The following PLXNB2 variants were observed in gnomAD, a reference collection of about 807,000 sequenced individuals.
PLXNB2 encodes plexin B2.
PLXNB2 carries 85 observed loss-of-function variants against 202.6 expected under a neutral mutation model. The observed-to-expected ratio is 0.42, with a 90% CI of 0.35 to 0.50. The LOEUF is 0.50. Among genes scored for constraint, PLXNB2 ranks in the 20% least tolerant of loss-of-function variants. PLXNB2 has a pLI of 0.02. For missense variants in PLXNB2, 2,063 were observed against 2,586.2 expected, an observed-to-expected ratio of 0.80 and a Z score of 4.39; for synonymous variants, 1,239 against 1,137.6, an observed-to-expected ratio of 1.09 and a Z score of -1.79.
chr22:50,283,281 G>C, intron 16 of PLXNB2, 56 bp downstream of exon 16: 1 of 1,605,660 alleles, frequency 6.2e-7, no homozygotes, highest in Non-Finnish European at 8.5e-7. Flanking sequence ...GCGGCGGGCA[G>C]AGCCCCTCCT....
chr22:50,277,964 G>C lies in PLXNB2; in HGVS notation c.4937C>G (p.Pro1646Arg), dbSNP rs762034126. ...VDNFFQSVLA[P>R]GHAVPPAVKY... The stretch of plus-strand genomic sequence containing the variant: ...GACTGCAGGTGGCACCGCGTGCCCA[G>C]GCGCCAGCACGCTCTGGAAGAAGTT... Residue 1646 changes from proline to arginine, a missense_variant, in exon 32 of 37, where the codon CCT becomes CGT. Around this residue, in one of 2 missense-constraint regions of PLXNB2, gnomAD observed 760 missense variants for 1,109.4 expected, o/e 0.69. Coordinates refer to ENST00000359337, the MANE Select transcript of PLXNB2 (RefSeq NM_012401.4). 1.5e-5 allele frequency: 25 copies of C among 1,613,046 alleles called. No homozygotes were observed. Among genetic ancestry groups the C allele is most frequent in the Non-Finnish European group, 2.0e-5 (24 of 1,179,848 alleles).
chr22:50,287,771 G>A lies in PLXNB2; in HGVS notation c.1504C>T (p.Pro502Ser), dbSNP rs755826651. The change falls in exon 7 of 37, where the codon CCG (proline) becomes TCG (serine). Residue 502 changes from proline to serine, a missense_variant. Transcript: ENST00000359337. ...EGRCTRKAEC[P>S]RAEEASHWLW... ...CAGTGGCTGGCCTCCTCGGCCCGCGGACACTCGGCCTTCCGGGTGCATCTG... is the reference window on the plus strand; with the variant it reads ...CAGTGGCTGGCCTCCTCGGCCCGCGAACACTCGGCCTTCCGGGTGCATCTG... The A allele has an allele frequency of 6.8e-5, 108 of 1,583,862 alleles. No individual in the cohort carries two copies. Among genetic ancestry groups the A allele is most frequent in the Non-Finnish European group, 8.6e-5 (101 of 1,172,692 alleles).
intron 36 of PLXNB2, 38 bp downstream of exon 36, chr22:50,275,851 C>T: frequency 3.7e-6 from 6 of 1,607,692 alleles, no homozygotes; most frequent in Non-Finnish European, 4.3e-6. Flanking sequence ...GACCGCCCAG[C>T]ACCCCACCTG....
In PLXNB2 at chr22:50,288,790, C is replaced by A. The variant is rs2066653647; in HGVS notation, c.1333G>T (p.Val445Leu). 1.2e-6 allele frequency: 2 copies of A among 1,613,142 alleles called. No homozygotes were observed. The highest frequency in any genetic ancestry group is 1.7e-6 in the Non-Finnish European group (2 of 1,179,978). ...EINKRVKRDL[V>L]LSGDLGSLYA... ...AGGCTGCCCAGGTCTCCAGACAGTA[C>A]CAGGTCGCGCTTGACTCTCTTGTTT... is the stretch of plus-strand genomic sequence containing the variant. The change falls in exon 5 of 37, where the codon GTA (valine) becomes TTA (leucine). Residue 445 changes from valine (V) to leucine (L), a missense_variant. Val to Leu is a conservative substitution (Grantham distance 32, BLOSUM62 1). Transcript: ENST00000359337. The surrounding 1 kb of genome is among the most constrained non-coding windows in gnomAD (Gnocchi z 5.0).
chr22:50,280,716 C>T, intron 24 of PLXNB2, 28 bp downstream of exon 24: 1 of 941,256 alleles, frequency 1.1e-6, no homozygotes, highest in Non-Finnish European at 1.6e-6. Flanking sequence ...ACCTGTGTGC[C>T]CTCCCGCCCG....
chr22:50,302,721 G>T (rs1013980338), intron 1 of PLXNB2, among the ~76,000 whole-genome samples: 1 of 152,162 alleles, frequency 6.6e-6, no homozygotes, highest in Non-Finnish European at 1.5e-5. Flanking sequence ...GGAGTGGGGG[G>T]GGCCATGCTG....
intron 1 of PLXNB2, 106 bp from the exon 2 acceptor site, chr22:50,294,884 A>G (rs1378316312): frequency 2.1e-6 from 1 of 471,292 alleles, no homozygotes; most frequent in Non-Finnish European, 2.8e-6. Context: ...AACATCCCAC[A>G]GGACCCCATC....
At chr22:50,306,610 G>C (rs73437491) in intron 1 of PLXNB2, among the ~76,000 whole-genome samples, 1 of 151,964 alleles carries the variant, frequency 6.6e-6, no homozygotes, top group Non-Finnish European at 1.5e-5. Flanking sequence ...TAAGTGGGGA[G>C]GGCGGGGGGG....
At chr22:50,277,817 C>T (rs775807829) in intron 32 of PLXNB2, 36 bp downstream of exon 32, 3 of 1,605,898 alleles carry the variant, frequency 1.9e-6, no homozygotes, top group South Asian at 2.2e-5. Flanking sequence ...AGAGGCGGAG[C>T]CGGGGCTGGG....
At chr22:50,306,367 A>G (rs1436404115) in intron 1 of PLXNB2, among the ~76,000 whole-genome samples, 1 of 152,096 alleles carries the variant, frequency 6.6e-6, no homozygotes, top group Non-Finnish European at 1.5e-5. Flanking sequence ...CCACAAACCT[A>G]TGCCTGCTGG....
chr22:50,282,182 A>C lies in PLXNB2; in HGVS notation c.3117+2T>G. 6.2e-7 allele frequency: 1 copy of C among 1,609,234 alleles called. No homozygotes were observed. Among genetic ancestry groups the C allele is most frequent in the Non-Finnish European group, 8.5e-7 (1 of 1,178,702 alleles). ...CAGAGCTGAGCCCACGCCAGGACTG[A>C]CCGTCATGGGCTGCAGGGATTCAGC... is the stretch of plus-strand genomic sequence containing the variant. On this transcript the variant is annotated splice_donor_variant, in intron 19 of 36. Transcript: ENST00000359337. LOFTEE classifies it high-confidence loss of function.
rs1014538178 is a variant in PLXNB2, at chr22:50,281,363, T to A, written c.3659A>T (p.Tyr1220Phe). 6.2e-7 allele frequency: 1 copy of A among 1,611,922 alleles called. No individual in the cohort carries two copies. The highest frequency in any genetic ancestry group is 1.6e-4 in the Middle Eastern group (1 of 6,062). Reference sequence around the variant, plus strand: ...CACAGCCGGGGGGCGGGCTCACCAGTAGCAGTAGACAGACACCGCGATGAC... The same window carrying A: ...CACAGCCGGGGGGCGGGCTCACCAGAAGCAGTAGACAGACACCGCGATGAC... ...VVVIAVSVYCYWRKSQQAERE... is the reference protein window; with the variant it reads ...VVVIAVSVYCFWRKSQQAERE... Residue 1220 changes from tyrosine (Y) to phenylalanine (F), a missense_variant, in exon 22 of 37, where the codon TAC becomes TTC. This residue lies in a region of PLXNB2 where 760 missense variants were observed against 1,109.4 expected (regional missense o/e 0.69). Transcript: ENST00000359337.
chr22:50,302,731 G>A (rs1464116290), intron 1 of PLXNB2, among the ~76,000 whole-genome samples: 1 of 152,174 alleles, frequency 6.6e-6, no homozygotes, highest in African/African-American at 2.4e-5. Flanking sequence ...GGGCCATGCT[G>A]GAGCACCTCC....
Position 50,282,738 on chromosome 22 carries a change from G to T in PLXNB2, c.2960C>A (p.Ala987Asp). ...FTYRENPVLR[A>D]FEPLRSFASG... ...GGCAAAGCTTCGTAGCGGCTCGAAGGCTCGCAGTACGGGGTTTTCGCGGTA... is the reference window on the plus strand; with the variant it reads ...GGCAAAGCTTCGTAGCGGCTCGAAGTCTCGCAGTACGGGGTTTTCGCGGTA... The change falls in exon 18 of 37, where the codon GCC becomes GAC. Residue 987 changes from alanine (A) to aspartate (D), a missense_variant. Transcript: ENST00000359337. 3 of 1,559,184 alleles carry T rather than the reference G, an allele frequency of 1.9e-6. No individual in the cohort carries two copies. The highest frequency in any genetic ancestry group is 8.6e-7 in the Non-Finnish European group (1 of 1,159,798).
chr22:50,285,082 G>A lies in PLXNB2; in HGVS notation c.2089-417C>T, dbSNP rs556359686. On this transcript the variant is annotated intron_variant, in intron 11 of 36. Coordinates refer to ENST00000359337, the MANE Select transcript of PLXNB2 (RefSeq NM_012401.4). ...CTGGCCTCTGTCCCCGATAAATCCT[G>A]TGCCCTCTACCTCATGTGGGGGCCC... 2.6e-5 allele frequency among the ~76,000 whole-genome samples: 4 copies of A among 152,196 alleles called. No individual in the cohort carries two copies. The East Asian group carries it at 7.7e-4, about 29-fold the overall frequency.
intron 15 of PLXNB2, 22 bp downstream of exon 15, chr22:50,283,580 C>T (rs752271561): frequency 9.3e-6 from 15 of 1,611,574 alleles, no homozygotes; most frequent in Admixed American, 1.7e-5. Context: ...TGACAGGGCC[C>T]AGACCAGGGC....
chr22:50,284,057 C>T lies in PLXNB2; in HGVS notation c.2264-67G>A. On this transcript the variant is annotated intron_variant, in intron 13 of 36. Coordinates refer to ENST00000359337, the MANE Select transcript of PLXNB2 (RefSeq NM_012401.4). The surrounding 1 kb of genome is among the most constrained non-coding windows in gnomAD (Gnocchi z 8.0). ...CGCCCCCGACCTGCTCCCCACTGCG[C>T]CCACCTGTCCCCCCACCCACCGCCT... 2.0e-6 allele frequency: 3 copies of T among 1,528,442 alleles called. No individual in the cohort carries two copies. The highest frequency in any genetic ancestry group is 2.4e-5 in the South Asian group (2 of 83,326). The allele number at this position is 1,528,442 out of a possible 1,614,324, so 94.7% of individuals were successfully genotyped here.
Position 50,289,584 on chromosome 22 carries a change from G to A in PLXNB2, c.1001C>T (p.Thr334Ile). ...EANRNACYTGTREARDIFYKP... is the reference protein window; with the variant it reads ...EANRNACYTGIREARDIFYKP... ...GTAGAAGATGTCACGGGCCTCCCGG[G>A]TGCCTGTGTAACAGGCGTTGCGGTT... The change falls in exon 3 of 37, where the codon ACC (threonine) becomes ATC (isoleucine). Residue 334 changes from threonine to isoleucine, a missense_variant. Physicochemically the swap from Thr to Ile is moderately conservative, Grantham distance 89. Around this residue, in one of 2 missense-constraint regions of PLXNB2, gnomAD observed 1,303 missense variants for 1,476.8 expected, o/e 0.88. Transcript: ENST00000359337. The surrounding 1 kb of genome is among the most constrained non-coding windows in gnomAD (Gnocchi z 8.0). The A allele has an allele frequency of 6.2e-7, 1 of 1,611,286 alleles. No homozygotes were observed. Among genetic ancestry groups the A allele is most frequent in the African/African-American group, 1.3e-5 (1 of 75,070 alleles).
At chr22:50,306,921 C>G (rs2067904629) in intron 1 of PLXNB2, among the ~76,000 whole-genome samples, 1 of 152,232 alleles carries the variant, frequency 6.6e-6, no homozygotes. Context: ...GGGGCGCTGG[C>G]AGGGCAGGGG....
Sources: allele counts gnomAD v4.1 joint callset (sites outside exome capture counted in the v4.1 genomes callset), GRCh38; gene constraint gnomAD v4.1.1; regional missense constraint gnomAD v4.1.1; non-coding constraint Gnocchi (gnomAD v3.1); transcripts MANE v1.5; gene names NCBI Gene and HGNC (gene_info 2026-07-23, HGNC 2026-07-21).